The following NRG2 variants were observed in gnomAD, a reference collection of about 807,000 sequenced individuals.
The protein encoded by NRG2 is neuregulin 2.
Under a neutral mutation model 73.9 loss-of-function variants are expected in NRG2, and 27 were observed. That is an observed-to-expected ratio of 0.37 (90% CI 0.27 to 0.50). The LOEUF (loss-of-function observed/expected upper bound fraction) is 0.50. Among genes scored for constraint, NRG2 ranks in the 20% least tolerant of loss-of-function variants. The probability of loss-of-function intolerance (pLI) is 0.96; values close to 1 mark genes in which losing one functional copy is unlikely to be tolerated. For missense variants in NRG2, 1,126 were observed against 1,210.1 expected (o/e 0.93, Z 1.03); for synonymous variants, 532 against 541.0 (o/e 0.98, Z 0.23).
At chr5:139,983,491 G>A (rs1440552620) in intron 1 of NRG2, among the ~76,000 whole-genome samples, 1 of 152,162 alleles carries the variant, frequency 6.6e-6, no homozygotes, top group Admixed American at 6.5e-5. Flanking sequence ...CTATTTCTTG[G>A]CCTTATTTCT....
rs1751465172 is a variant in NRG2, at chr5:139,918,940, T to C, written c.701-31429A>G. 1.3e-5 allele frequency among the ~76,000 whole-genome samples: 2 copies of C among 152,020 alleles called. 1 individual carries two copies. The highest frequency in any genetic ancestry group is 4.2e-4 in the South Asian group (2 of 4,814). ...GGCCAGGAGGGAGCAAAACAGTCGATGGGGAAAAGTAAGAGGAGAATTTTC... is the reference window on the plus strand; with the variant it reads ...GGCCAGGAGGGAGCAAAACAGTCGACGGGGAAAAGTAAGAGGAGAATTTTC... On this transcript the variant is annotated intron_variant, in intron 1 of 9. Coordinates refer to ENST00000361474, the MANE Select transcript of NRG2 (RefSeq NM_004883.3).
At position 139,979,144 on chromosome 5, in the gene NRG2, G is replaced by A. The variant is rs139838217; in HGVS notation, c.700+63226C>T. Among the ~76,000 whole-genome samples, 195 of 150,838 alleles carry A rather than the reference G, an allele frequency of 1.3e-3. 1 individual carries two copies. The highest frequency in any genetic ancestry group is 2.3e-3 in the Non-Finnish European group (154 of 67,692). ...AGATATACCTAATGTTAAATGAAGAGTTAATAGGTGCAGCACACCAACATG... is the reference window on the plus strand; with the variant it reads ...AGATATACCTAATGTTAAATGAAGAATTAATAGGTGCAGCACACCAACATG... On this transcript the variant is annotated intron_variant, in intron 1 of 9. Coordinates refer to ENST00000361474, the MANE Select transcript of NRG2 (RefSeq NM_004883.3).
At chr5:139,967,160 A>G (rs1279505554) in intron 1 of NRG2, among the ~76,000 whole-genome samples, 1 of 152,154 alleles carries the variant, frequency 6.6e-6, no homozygotes, top group Non-Finnish European at 1.5e-5. Flanking sequence ...AGAGGAGGCA[A>G]TGGCCGGTGC....
intron 3 of NRG2, among the ~76,000 whole-genome samples, chr5:139,876,853 G>A (rs1224612054): frequency 1.3e-5 from 2 of 151,992 alleles, no homozygotes; most frequent in African/African-American, 2.4e-5. Context: ...CCAAGACTGC[G>A]ACTTCCCAGA....
chr5:139,859,106 G>A (rs571067632), intron 5 of NRG2, among the ~76,000 whole-genome samples: 1 of 152,268 alleles, frequency 6.6e-6, no homozygotes, highest in South Asian at 2.1e-4. Context: ...GCCTCCCGGT[G>A]CAAAGCCAGA....
chr5:139,911,522 C>T (rs1342203082), intron 1 of NRG2, among the ~76,000 whole-genome samples: 1 of 152,202 alleles, frequency 6.6e-6, no homozygotes, highest in Non-Finnish European at 1.5e-5. Context: ...TGTTTGCAAG[C>T]CCCTCTGTTA....
At chr5:139,892,798 C>G (rs776409404) in intron 1 of NRG2, among the ~76,000 whole-genome samples, 1 of 152,178 alleles carries the variant, frequency 6.6e-6, no homozygotes, top group Non-Finnish European at 1.5e-5. Flanking sequence ...ACACTCTGAT[C>G]CCTACCGCTG....
intron 1 of NRG2, among the ~76,000 whole-genome samples, chr5:139,983,497 T>C (rs1756960425): frequency 1.3e-5 from 2 of 152,228 alleles, no homozygotes; most frequent in Non-Finnish European, 2.9e-5. Flanking sequence ...CTTGGCCTTA[T>C]TTCTCTTTCA....
rs1316029913 is a variant in NRG2 at position 140,043,018 on chromosome 5, G to T, written c.52C>A (p.Arg18=). 1.3e-6 allele frequency: 2 copies of T among 1,574,984 alleles called. No homozygotes were observed. The highest frequency in any genetic ancestry group is 1.7e-6 in the Non-Finnish European group (2 of 1,166,518). ...ALPPPPLEKG[R]CSSYSDSSSS... The stretch of plus-strand genomic sequence containing the variant: ...CTGCTGTCGCTGTAGCTGCTGCACC[G>T]ACCCTTCTCCAGTGGCGGCGGCGGC... The change falls in exon 1 of 10, where the codon CGG becomes AGG. Residue 18 remains arginine, a synonymous_variant. Transcript: ENST00000361474. The surrounding 1 kb of genome is among the most constrained non-coding windows in gnomAD (Gnocchi z 6.7).
chr5:139,880,398 C>G (rs184370649), intron 3 of NRG2, among the ~76,000 whole-genome samples: 40 of 152,242 alleles, frequency 2.6e-4, no homozygotes, highest in Non-Finnish European at 4.3e-4. Context: ...GAGGCTGCCA[C>G]CAGGGGCCCC....
chr5:139,952,796 C>T (rs1415077675), intron 1 of NRG2, among the ~76,000 whole-genome samples: 2 of 152,006 alleles, frequency 1.3e-5, no homozygotes, highest in African/African-American at 2.4e-5. Flanking sequence ...CGTGTATGTG[C>T]GCACGTGTGT....
chr5:139,851,504 G>T lies in NRG2; in HGVS notation c.1772+100C>A. 1 of 1,108,418 alleles carries T rather than the reference G, an allele frequency of 9.0e-7. No individual in the cohort carries two copies. The highest frequency in any genetic ancestry group is 1.3e-6 in the Non-Finnish European group (1 of 760,040). 68.7% of individuals were successfully genotyped at this position (1,108,418 alleles called of 1,614,324 possible). On this transcript the variant is annotated intron_variant, in intron 9 of 9. Transcript: ENST00000361474. This position sits in a 1 kb window ranked among gnomAD's most constrained non-coding sequence, Gnocchi z 4.2. ...TTCCCATATGAAAAATGGAGATGAG[G>T]CTCTTTGGAGTGTTTCTGAGGGGCC...
chr5:139,910,329 C>T (rs1342531702), intron 1 of NRG2, among the ~76,000 whole-genome samples: 1 of 152,120 alleles, frequency 6.6e-6, no homozygotes, highest in Non-Finnish European at 1.5e-5. Flanking sequence ...TGGCTGTTCC[C>T]CTCAGAATTG....
intron 1 of NRG2, among the ~76,000 whole-genome samples, chr5:139,959,462 T>C (rs542913917): frequency 6.6e-6 from 1 of 152,166 alleles, no homozygotes; most frequent in African/African-American, 2.4e-5. Flanking sequence ...CCACAACCTC[T>C]GCCTCCTAGG....
At chr5:139,955,281 G>A (rs1754533129) in intron 1 of NRG2, among the ~76,000 whole-genome samples, 1 of 152,144 alleles carries the variant, frequency 6.6e-6, no homozygotes. Flanking sequence ...GACAAGTGGG[G>A]ACCTGAAAGC....
rs1762740721 is a variant in NRG2, at chr5:139,870,094, G to A, written c.1112+1627C>T. ...AGGGTGCAGGAGACAAGGAAATGGG[G>A]ATGCAGGGCTGGGTCATCCCTGTGA... is the stretch of plus-strand genomic sequence containing the variant. On this transcript the variant is annotated intron_variant, in intron 4 of 9. Transcript: ENST00000361474. The surrounding 1 kb of genome is among the most constrained non-coding windows in gnomAD (Gnocchi z 4.4). 6.6e-6 allele frequency among the ~76,000 whole-genome samples: 1 copy of A among 152,180 alleles called. No homozygotes were observed. The highest frequency in any genetic ancestry group is 2.4e-5 in the African/African-American group (1 of 41,416).
intron 1 of NRG2, among the ~76,000 whole-genome samples, chr5:139,952,745 T>G (rs1754309828): frequency 6.6e-6 from 1 of 151,974 alleles, no homozygotes; most frequent in Non-Finnish European, 1.5e-5. Context: ...ATGCTCCAAA[T>G]GGAGTGGGGC....
At chr5:140,022,263 T>A (rs1483283517) in intron 1 of NRG2, among the ~76,000 whole-genome samples, 1 of 152,198 alleles carries the variant, frequency 6.6e-6, no homozygotes, top group East Asian at 1.9e-4. Context: ...AAAATCCAAC[T>A]TGACCCATCT....
At chr5:139,938,103 A>G (rs919623127) in intron 1 of NRG2, among the ~76,000 whole-genome samples, 1 of 152,192 alleles carries the variant, frequency 6.6e-6, no homozygotes, top group East Asian at 1.9e-4. Context: ...TAACAAAACT[A>G]TGAAATATTG....
Sources: allele counts gnomAD v4.1 joint callset (sites outside exome capture counted in the v4.1 genomes callset), GRCh38; gene constraint gnomAD v4.1.1; non-coding constraint Gnocchi (gnomAD v3.1); transcripts MANE v1.5; gene names NCBI Gene and HGNC (gene_info 2026-07-23, HGNC 2026-07-21).